Variants in MKLN1 observed in about 807,000 individuals in gnomAD.
MKLN1 encodes muskelin.
Under a neutral mutation model 99.0 loss-of-function variants are expected in MKLN1, and 18 were observed. The observed-to-expected ratio is 0.18, with a 90% CI of 0.13 to 0.27. The LOEUF is 0.27. Ranked by LOEUF, MKLN1 falls within the 10% of genes least tolerant of loss-of-function variation. MKLN1 has a pLI of 1.00. For synonymous variants in MKLN1, 288 were observed against 293.2 expected (o/e 0.98, Z 0.18); for missense variants, 621 against 875.9 (o/e 0.71, Z 3.67).
At chr7:131,230,359 G>A (rs1257448172) in intron 3 of MKLN1, among the ~76,000 whole-genome samples, 1 of 152,120 alleles carries the variant, frequency 6.6e-6, no homozygotes, top group African/African-American at 2.4e-5. Context: ...CTGTTTAGTT[G>A]GAGGGCTTAG....
chr7:131,202,364 C>G (rs1221934969), intron 2 of MKLN1, among the ~76,000 whole-genome samples: 1 of 151,740 alleles, frequency 6.6e-6, no homozygotes, highest in African/African-American at 2.4e-5. Context: ...ATCTGCCAGC[C>G]TCGGCCTCTC....
intron 3 of MKLN1, among the ~76,000 whole-genome samples, chr7:131,289,955 C>A (rs1336385181): frequency 1.3e-5 from 2 of 152,150 alleles, no homozygotes; most frequent in East Asian, 3.8e-4. Context: ...AATTTCCTTA[C>A]CTCTTTCTAT....
chr7:131,457,395 A>C (rs184455393), intron 12 of MKLN1, among the ~76,000 whole-genome samples: 8 of 152,304 alleles, frequency 5.3e-5, no homozygotes, highest in African/African-American at 1.9e-4. Context: ...ACAGAACCAT[A>C]CGGAAATAGT....
At chr7:131,280,270 C>T (rs1294293543) in intron 3 of MKLN1, among the ~76,000 whole-genome samples, 3 of 152,168 alleles carry the variant, frequency 2.0e-5, no homozygotes, top group Non-Finnish European at 2.9e-5. Flanking sequence ...TGAGCATTCA[C>T]GTACAGGTTT....
upstream of MKLN1, chr7:131,327,853 C>T (rs1328334132): frequency 3.7e-6 from 6 of 1,601,326 alleles, no homozygotes; most frequent in Admixed American, 1.7e-5. Context: ...CTCCCCTCCT[C>T]CCGTTCGCTG....
At chr7:131,355,391 CTT>C (rs781329320) in intron 1 of MKLN1, among the ~76,000 whole-genome samples, 1 of 151,660 alleles carries the variant, frequency 6.6e-6, no homozygotes. Flanking sequence ...TATGATGAGT[CTT>C]TTTATGCAGG....
chr7:131,328,005 C>T lies in MKLN1; in HGVS notation c.98+8C>T, dbSNP rs755873405. On this transcript the variant is annotated splice_region_variant and intron_variant, in intron 1 of 17. Coordinates refer to ENST00000352689, the MANE Select transcript of MKLN1 (RefSeq NM_013255.5). Reference sequence around the variant, plus strand: ...CTCCACCTACCTTCCCGAGTAAGTGCCGGGCCTTGAGCTCGTGCTGCCCCA... The same window carrying T: ...CTCCACCTACCTTCCCGAGTAAGTGTCGGGCCTTGAGCTCGTGCTGCCCCA... 5 of 1,613,598 alleles carry T rather than the reference C, an allele frequency of 3.1e-6. No homozygotes were observed. The East Asian group carries it at 8.9e-5, about 29-fold the overall frequency.
At position 131,439,449 on chromosome 7, in the gene MKLN1, CA is replaced by C. The variant is rs1201774298; in HGVS notation, c.1173+1453del. On this transcript the variant is annotated intron_variant, in intron 10 of 17. Transcript: ENST00000352689. ...GTTTTCAACTGGTTAGATGGTACAGCAGAACACTGGGGGTGAAGAAACAAGG... is the reference window on the plus strand; with the variant it reads ...GTTTTCAACTGGTTAGATGGTACAGCGAACACTGGGGGTGAAGAAACAAGG... Among the ~76,000 whole-genome samples the C allele has an allele frequency of 3.9e-5, 6 of 152,122 alleles. No individual in the cohort carries two copies. The East Asian group carries it at 1.2e-3, about 29-fold the overall frequency.
At chr7:131,170,265 G>A (rs1414267177) in intron 2 of MKLN1, among the ~76,000 whole-genome samples, 1 of 152,046 alleles carries the variant, frequency 6.6e-6, no homozygotes, top group East Asian at 1.9e-4. Flanking sequence ...CTATAAAGTA[G>A]GCACAAATGT....
chr7:131,314,454 G>A (rs185686117), intron 3 of MKLN1, among the ~76,000 whole-genome samples: 3 of 152,216 alleles, frequency 2.0e-5, no homozygotes, highest in African/African-American at 4.8e-5. Flanking sequence ...ATGGAGTCTC[G>A]CTCTGTCACC....
intron 2 of MKLN1, among the ~76,000 whole-genome samples, chr7:131,200,464 A>G (rs1000965301): frequency 5.3e-5 from 8 of 152,214 alleles, no homozygotes; most frequent in African/African-American, 1.9e-4. Context: ...CAAATGGCAG[A>G]TTATTCATTC....
chr7:131,444,524 A>G (rs1192401055), intron 11 of MKLN1, among the ~76,000 whole-genome samples: 1 of 151,884 alleles, frequency 6.6e-6, no homozygotes, highest in Non-Finnish European at 1.5e-5. Context: ...ATTCATACTG[A>G]TATGTCTGAT....
chr7:131,217,637 G>A (rs1180551323), intron 3 of MKLN1, among the ~76,000 whole-genome samples: 2 of 152,268 alleles, frequency 1.3e-5, no homozygotes, highest in African/African-American at 4.8e-5. Context: ...GGCAGGCGTT[G>A]CAGTGAGCCG....
intron 3 of MKLN1, among the ~76,000 whole-genome samples, chr7:131,387,776 A>G (rs1199677363): frequency 1.3e-5 from 2 of 152,114 alleles, no homozygotes; most frequent in Admixed American, 6.6e-5. Flanking sequence ...AGTTTTAATA[A>G]TATTTGACCA....
At chr7:131,158,564 G>A (rs770816995) in intron 2 of MKLN1, among the ~76,000 whole-genome samples, 10 of 152,084 alleles carry the variant, frequency 6.6e-5, no homozygotes, top group Admixed American at 2.0e-4. Context: ...AAGGTGACCC[G>A]CAGTCACATC....
At chr7:131,194,673 G>A (rs1419077675) in intron 2 of MKLN1, among the ~76,000 whole-genome samples, 1 of 152,194 alleles carries the variant, frequency 6.6e-6, no homozygotes, top group African/African-American at 2.4e-5. Context: ...CAGATGGATA[G>A]ATACTCCTTC....
chr7:131,260,684 C>T (rs1032657687), intron 3 of MKLN1, among the ~76,000 whole-genome samples: 6 of 152,184 alleles, frequency 3.9e-5, no homozygotes, highest in African/African-American at 1.2e-4. Context: ...GGAGGCATCA[C>T]GTTACCTGTA....
At chr7:131,389,743 G>T (rs1794141881) in intron 4 of MKLN1, among the ~76,000 whole-genome samples, 1 of 151,864 alleles carries the variant, frequency 6.6e-6, no homozygotes, top group South Asian at 2.1e-4. Context: ...AAAAAATTTA[G>T]CTGGGCGTGG....
chr7:131,367,060 C>T (rs375490012), intron 1 of MKLN1, among the ~76,000 whole-genome samples: 1 of 152,014 alleles, frequency 6.6e-6, no homozygotes, highest in East Asian at 1.9e-4. Context: ...AAAACTGTAT[C>T]CCATTTTTCA....
Sources: allele counts gnomAD v4.1 joint callset (sites outside exome capture counted in the v4.1 genomes callset), GRCh38; gene constraint gnomAD v4.1.1; transcripts MANE v1.5; gene names NCBI Gene and HGNC (gene_info 2026-07-23, HGNC 2026-07-21).